MDFIC: variants seen among roughly 807,000 people sequenced by gnomAD.
MDFIC encodes the protein MyoD family inhibitor domain containing, also known as myoD family inhibitor domain-containing protein.
Under a neutral mutation model 23.2 loss-of-function variants are expected in MDFIC, and 17 were observed. The ratio of observed to expected loss-of-function variants is 0.73; its 90% CI spans 0.50 to 1.10. MDFIC has a LOEUF of 1.10. Ranked by LOEUF, MDFIC falls within the 50% of genes least tolerant of loss-of-function variation. The pLI, the probability that MDFIC is intolerant of heterozygous loss-of-function variation, is 0.00. For synonymous variants in MDFIC, 120 were observed against 115.2 expected (o/e 1.04, Z -0.27); for missense variants, 356 against 316.6 (o/e 1.12, Z -0.95).
At chr7:115,014,650 C>T in intron 4 of MDFIC, 1 of 670,992 alleles carries the variant, frequency 1.5e-6, no homozygotes, top group African/African-American at 2.0e-5. Context: ...ACAAAACAAC[C>T]CAGAATTAAT....
At chr7:114,923,578 A>T (rs1195040765) in intron 2 of MDFIC, 2 of 1,528,892 alleles carry the variant, frequency 1.3e-6, no homozygotes, top group Non-Finnish European at 1.8e-6. Flanking sequence ...GGTTTCTGTG[A>T]CCAGTAGCTT....
intron 4 of MDFIC, among the ~76,000 whole-genome samples, chr7:114,997,071 C>A (rs1791348289): frequency 6.6e-6 from 1 of 152,136 alleles, no homozygotes; most frequent in African/African-American, 2.4e-5. Flanking sequence ...TTGAAATTGT[C>A]ACGTAGAAGT....
At chr7:114,998,634 T>A (rs915064399) in intron 4 of MDFIC, among the ~76,000 whole-genome samples, 16 of 152,164 alleles carry the variant, frequency 1.1e-4, no homozygotes, top group Non-Finnish European at 1.9e-4. Flanking sequence ...ATACTATATT[T>A]TATATTTTTT....
intron 2 of MDFIC, among the ~76,000 whole-genome samples, chr7:114,934,928 T>G (rs1253019369): frequency 6.6e-6 from 1 of 151,718 alleles, no homozygotes; most frequent in Non-Finnish European, 1.5e-5. Flanking sequence ...GGTTTTTTTG[T>G]TTTTTTTGTT....
At chr7:114,953,369 G>A (rs963385909) in intron 3 of MDFIC, among the ~76,000 whole-genome samples, 2 of 152,162 alleles carry the variant, frequency 1.3e-5, no homozygotes, top group African/African-American at 4.8e-5. Flanking sequence ...GAATAATATT[G>A]ATTTTTGCCA....
chr7:114,977,576 C>T (rs1014241469), intron 3 of MDFIC, among the ~76,000 whole-genome samples: 1 of 152,144 alleles, frequency 6.6e-6, no homozygotes, highest in African/African-American at 2.4e-5. Flanking sequence ...TAGGTCACAT[C>T]CTTGTCCTCT....
At chr7:115,014,826 A>C (rs1444213900) in intron 4 of MDFIC, among the ~76,000 whole-genome samples, 4 of 152,206 alleles carry the variant, frequency 2.6e-5, no homozygotes, top group Non-Finnish European at 5.9e-5. Flanking sequence ...AGAACATTAG[A>C]ATCTAAATTT....
chr7:115,015,623 G>A (rs2116155582), intron 4 of MDFIC, 65 bp from the exon 5 acceptor site: 1 of 1,560,722 alleles, frequency 6.4e-7, no homozygotes, highest in Non-Finnish European at 8.7e-7. Flanking sequence ...TGAGTCAATT[G>A]ATAACACGTA....
At chr7:114,982,085 G>A (rs1337030402) in intron 4 of MDFIC, among the ~76,000 whole-genome samples, 1 of 152,188 alleles carries the variant, frequency 6.6e-6, no homozygotes, top group Non-Finnish European at 1.5e-5. Flanking sequence ...CCAAGATTCT[G>A]TGAGTCTCTT....
chr7:114,944,284 G>T (rs888140098), intron 3 of MDFIC, among the ~76,000 whole-genome samples: 6 of 152,154 alleles, frequency 3.9e-5, no homozygotes, highest in Non-Finnish European at 7.3e-5. Context: ...AGTTTGAATG[G>T]ATTTACAAAA....
At chr7:115,009,415 T>A (rs541307097) in intron 4 of MDFIC, among the ~76,000 whole-genome samples, 65 of 152,308 alleles carry the variant, frequency 4.3e-4, no homozygotes, top group Admixed American at 9.2e-4. Context: ...CTGAGTTTAT[T>A]TTGTAAATAG....
At chr7:115,005,329 T>A (rs985834184) in intron 4 of MDFIC, among the ~76,000 whole-genome samples, 2 of 152,220 alleles carry the variant, frequency 1.3e-5, no homozygotes, top group Non-Finnish European at 2.9e-5. Context: ...AGGGTGATCA[T>A]TAATTGAAAT....
chr7:115,013,356 C>A (rs763553717), intron 4 of MDFIC, among the ~76,000 whole-genome samples: 45 of 152,144 alleles, frequency 3.0e-4, no homozygotes, highest in Admixed American at 1.2e-3. Context: ...ACGAGACATT[C>A]TTTCCCCTTT....
At chr7:114,974,955 C>T (rs1336785381) in intron 3 of MDFIC, among the ~76,000 whole-genome samples, 5 of 151,662 alleles carry the variant, frequency 3.3e-5, no homozygotes, top group South Asian at 2.1e-4. Flanking sequence ...TATGCTAAGC[C>T]GGTGACCAAT....
At chr7:115,010,252 G>A (rs1042449523) in intron 4 of MDFIC, among the ~76,000 whole-genome samples, 3 of 152,010 alleles carry the variant, frequency 2.0e-5, no homozygotes, top group Admixed American at 6.5e-5. Context: ...TGTTGGCAGT[G>A]GTAGGAATAG....
chr7:114,929,507 GT>G (rs1792267661), intron 2 of MDFIC, among the ~76,000 whole-genome samples: 2 of 152,176 alleles, frequency 1.3e-5, no homozygotes, highest in Admixed American at 1.3e-4. Context: ...TTTAATGATA[GT>G]TTTCTCGCCT....
rs1436509977 is a variant in MDFIC at position 115,019,083 on chromosome 7, A to C, written c.*3148A>C. 6.6e-6 allele frequency: 1 copy of C among 151,972 alleles called. No homozygotes were observed. Among genetic ancestry groups the C allele is most frequent in the Non-Finnish European group, 1.5e-5 (1 of 67,882 alleles). 9.4% of individuals were successfully genotyped at this position (151,972 alleles called of 1,614,324 possible). A position where few individuals can be genotyped will look rare whatever the true frequency, so the allele number is the denominator to read the frequency against. ...TGGAGCTATATTTCCACTTAGAAAAACTAAGGTAATTTTACAATATATGCT... is the reference window on the plus strand; with the variant it reads ...TGGAGCTATATTTCCACTTAGAAAACCTAAGGTAATTTTACAATATATGCT... On this transcript the variant is annotated 3_prime_UTR_variant, in exon 5 of 5. Transcript: ENST00000393486.
At chr7:114,970,283 C>T (rs1161702750) in intron 3 of MDFIC, among the ~76,000 whole-genome samples, 1 of 152,176 alleles carries the variant, frequency 6.6e-6, no homozygotes, top group Admixed American at 6.5e-5. Flanking sequence ...GCAACAAGGA[C>T]TTGGATTCAG....
chr7:114,924,703 C>A (rs901957548), intron 2 of MDFIC, among the ~76,000 whole-genome samples: 2 of 152,176 alleles, frequency 1.3e-5, no homozygotes, highest in African/African-American at 4.8e-5. Flanking sequence ...ATTAGTTTAA[C>A]TTTGATCCAA....
Sources: gnomAD v4.1 joint callset for allele counts (sites outside exome capture counted in the v4.1 genomes callset) on GRCh38, gnomAD v4.1.1 for gene constraint, MANE v1.5 for transcripts, NCBI Gene and HGNC (gene_info 2026-07-23, HGNC 2026-07-21) for gene names.